Variants in CTNNA3 observed in about 807,000 individuals in gnomAD.
CTNNA3 encodes catenin alpha 3, also known as catenin alpha-3.
A neutral mutation model predicts 95.7 loss-of-function variants in CTNNA3; 76 were observed. That is an observed-to-expected ratio of 0.79 (90% CI 0.66 to 0.96). The LOEUF (loss-of-function observed/expected upper bound fraction) is 0.96, where lower values mean the gene tolerates loss of function less well. Ranked by LOEUF, CTNNA3 falls within the 40% of genes least tolerant of loss-of-function variation. CTNNA3 has a pLI of 0.00. For synonymous variants in CTNNA3, 431 were observed against 374.4 expected (o/e 1.15, Z -1.74); for missense variants, 1,191 against 1,089.8 (o/e 1.09, Z -1.31).
chr10:66,036,862 A>ATTT (rs57081880), intron 15 of CTNNA3, among the ~76,000 whole-genome samples: 35 of 95,734 alleles, frequency 3.7e-4, no homozygotes, highest in South Asian at 1.3e-3. Context: ...AGTAGTTCCA[A>ATTT]TTTTTTTTTT....
At chr10:66,480,680 C>T (rs187376299) in intron 11 of CTNNA3, among the ~76,000 whole-genome samples, 8 of 152,258 alleles carry the variant, frequency 5.3e-5, no homozygotes, top group Admixed American at 3.3e-4. Flanking sequence ...TCTCGGCTCA[C>T]TGCAACCTCC....
chr10:65,972,668 T>C (rs368281801), intron 16 of CTNNA3, among the ~76,000 whole-genome samples: 14 of 152,060 alleles, frequency 9.2e-5, no homozygotes, highest in African/African-American at 3.1e-4. Context: ...AGGAGAACTA[T>C]ACAACACTGC....
At chr10:67,721,547 A>G (rs1841179986) in intron 1 of CTNNA3, among the ~76,000 whole-genome samples, 1 of 152,166 alleles carries the variant, frequency 6.6e-6, no homozygotes, top group Non-Finnish European at 1.5e-5. Context: ...TATTCTAGTT[A>G]GCAATTCCTC....
chr10:66,557,889 T>G (rs1056822870), intron 10 of CTNNA3, among the ~76,000 whole-genome samples: 2 of 152,152 alleles, frequency 1.3e-5, no homozygotes, highest in Middle Eastern at 3.2e-3. Context: ...TGGTTTTATA[T>G]GTTTCATTTA....
At chr10:67,755,665 G>A (rs891976823) in intron 1 of CTNNA3, among the ~76,000 whole-genome samples, 1 of 151,754 alleles carries the variant, frequency 6.6e-6, no homozygotes, top group African/African-American at 2.4e-5. Context: ...AGCCAGGTGT[G>A]GTGGCACACG....
At chr10:66,340,551 C>T (rs896807938) in intron 12 of CTNNA3, among the ~76,000 whole-genome samples, 6 of 151,778 alleles carry the variant, frequency 4.0e-5, no homozygotes, top group Admixed American at 3.3e-4. Context: ...GGAGCCTATA[C>T]TATTTACATG....
intron 7 of CTNNA3, among the ~76,000 whole-genome samples, chr10:66,949,014 G>A (rs1848407559): frequency 6.6e-6 from 1 of 152,056 alleles, no homozygotes; most frequent in Non-Finnish European, 1.5e-5. Context: ...TTGATTAGGA[G>A]ACTCTGGAAA....
chr10:66,775,587 G>T (rs1447098835), intron 7 of CTNNA3, 63 bp from the exon 8 acceptor site: 14 of 1,191,760 alleles, frequency 1.2e-5, no homozygotes, highest in African/African-American at 3.1e-5. Context: ...TTAGCAATTT[G>T]CTTTCTAAAT....
intron 11 of CTNNA3, among the ~76,000 whole-genome samples, chr10:66,515,265 A>ATATCTATC (rs10606169): frequency 0.43 from 62,107 of 145,750 alleles, 13,719 homozygotes; most frequent in Non-Finnish European, 0.47. Flanking sequence ...CTTATTCCCT[A>ATATCTATC]TATCTATCTA....
chr10:67,387,699 G>A (rs1418910284), intron 5 of CTNNA3, among the ~76,000 whole-genome samples: 3 of 152,186 alleles, frequency 2.0e-5, no homozygotes, highest in East Asian at 1.9e-4. Flanking sequence ...CTCCCAGCAC[G>A]CAGCTGGAGA....
chr10:67,173,126 C>A (rs567443017), intron 7 of CTNNA3, among the ~76,000 whole-genome samples: 2 of 152,124 alleles, frequency 1.3e-5, no homozygotes, highest in African/African-American at 4.8e-5. Context: ...TTTCATTGTT[C>A]AAGGGCTATA....
At chr10:67,760,319 A>T (rs1047050430) in intron 1 of CTNNA3, among the ~76,000 whole-genome samples, 1 of 152,190 alleles carries the variant, frequency 6.6e-6, no homozygotes, top group African/African-American at 2.4e-5. Context: ...TGCCATCTAC[A>T]CGTCTCAATT....
chr10:67,511,176 C>A (rs185929608), intron 5 of CTNNA3, among the ~76,000 whole-genome samples: 1 of 152,086 alleles, frequency 6.6e-6, no homozygotes, highest in Non-Finnish European at 1.5e-5. Flanking sequence ...AATTGAATAC[C>A]CTTTACTTCT....
intron 11 of CTNNA3, among the ~76,000 whole-genome samples, chr10:66,452,945 G>A (rs2093473878): frequency 1.3e-5 from 2 of 152,156 alleles, no homozygotes; most frequent in Admixed American, 6.5e-5. Context: ...GCTGGGTGCA[G>A]TGGCTCATGC....
intron 14 of CTNNA3, 70 bp from the exon 15 acceptor site, chr10:66,069,559 T>C: frequency 8.5e-7 from 1 of 1,173,952 alleles, no homozygotes; most frequent in South Asian, 1.5e-5. Flanking sequence ...TAAGTAGATA[T>C]TATAGGATAC....
chr10:66,040,012 G>A (rs1348866576), intron 15 of CTNNA3, among the ~76,000 whole-genome samples: 2 of 151,908 alleles, frequency 1.3e-5, no homozygotes, highest in African/African-American at 4.8e-5. Flanking sequence ...AGGAACTTAA[G>A]CAAATCTACA....
intron 1 of CTNNA3, among the ~76,000 whole-genome samples, chr10:67,674,053 C>T (rs1460307067): frequency 6.6e-6 from 1 of 151,800 alleles, no homozygotes; most frequent in Non-Finnish European, 1.5e-5. Context: ...AAGAGTCCCT[C>T]TGGTGTATAC....
At chr10:67,565,967 T>A (rs1264147999) in intron 3 of CTNNA3, among the ~76,000 whole-genome samples, 1 of 128,836 alleles carries the variant, frequency 7.8e-6, no homozygotes, top group Non-Finnish European at 1.6e-5. Context: ...AATAGATGAA[T>A]GGATAAAGAA....
intron 1 of CTNNA3, among the ~76,000 whole-genome samples, chr10:67,710,666 C>G (rs914262771): frequency 1.3e-5 from 2 of 152,174 alleles, no homozygotes; most frequent in African/African-American, 2.4e-5. Context: ...CCAAAGGGTA[C>G]TGGGTGTAGA....
Sources: allele counts gnomAD v4.1 joint callset (sites outside exome capture counted in the v4.1 genomes callset), GRCh38; gene constraint gnomAD v4.1.1; transcripts MANE v1.5; gene names NCBI Gene and HGNC (gene_info 2026-07-23, HGNC 2026-07-21).